Variants in NAV2 observed in about 807,000 individuals in gnomAD.
The protein encoded by NAV2 is helicase, APC down-regulated 1.
Under a neutral mutation model 223.2 loss-of-function variants are expected in NAV2, and 54 were observed. That is an observed-to-expected ratio of 0.24 (90% CI 0.19 to 0.30). The LOEUF is 0.30. Ranked by LOEUF, NAV2 falls within the 10% of genes least tolerant of loss-of-function variation. NAV2 has a pLI of 1.00. For synonymous variants in NAV2, 1,279 were observed against 1,239.3 expected (o/e 1.03, Z -0.67); for missense variants, 2,806 against 3,147.5 (o/e 0.89, Z 2.60).
intron 10 of NAV2, among the ~76,000 whole-genome samples, chr11:19,964,923 A>C (rs4757870): frequency 0.45 from 66,254 of 148,584 alleles, 16,176 homozygotes; most frequent in Non-Finnish European, 0.54. Context: ...GGGTTCAAGC[A>C]ATTCTCCTGC....
Position 20,035,965 on chromosome 11 carries a change from C to A in NAV2, c.2775C>A (p.Asp925Glu), listed in dbSNP as rs750583571. Residue 925 changes from aspartate to glutamate, a missense_variant, in exon 12 of 38, where the codon GAC (aspartate) becomes GAA (glutamate). Transcript: ENST00000349880. ...TGTGTGTTTGTCTTGGCAGCTGGGACGACAGCAGCTCCGTCAGCAGCGGCA... is the reference window on the plus strand; with the variant it reads ...TGTGTGTTTGTCTTGGCAGCTGGGAAGACAGCAGCTCCGTCAGCAGCGGCA... The part of the protein sequence containing the change: ...SLGLGDADSW[D>E]DSSSVSSGIS... 6.2e-7 allele frequency: 1 copy of A among 1,613,968 alleles called. No individual in the cohort carries two copies. The highest frequency in any genetic ancestry group is 1.3e-5 in the African/African-American group (1 of 74,926).
chr11:19,492,404 TA>T (rs1189370480), intron 1 of NAV2, among the ~76,000 whole-genome samples: 1 of 152,178 alleles, frequency 6.6e-6, no homozygotes, highest in African/African-American at 2.4e-5. Context: ...TTTACTGTGT[TA>T]AATATCAGCA....
intron 1 of NAV2, among the ~76,000 whole-genome samples, chr11:19,750,636 G>C (rs954678573): frequency 6.6e-6 from 1 of 152,202 alleles, no homozygotes; most frequent in Non-Finnish European, 1.5e-5. Context: ...GTCCCGTGTG[G>C]AAGGGGCTTT....
intron 1 of NAV2, among the ~76,000 whole-genome samples, chr11:19,391,259 C>T (rs975413050): frequency 6.6e-6 from 1 of 152,130 alleles, no homozygotes; most frequent in East Asian, 1.9e-4. Flanking sequence ...CTGGCCTGTC[C>T]CCCTGCTTCA....
intron 1 of NAV2, among the ~76,000 whole-genome samples, chr11:19,442,616 G>A (rs1420170135): frequency 6.6e-6 from 1 of 152,184 alleles, no homozygotes; most frequent in African/African-American, 2.4e-5. Flanking sequence ...CAGAGGGCAG[G>A]GCTCAGGTGG....
intron 37 of NAV2, among the ~76,000 whole-genome samples, chr11:20,116,505 G>T (rs972170587): frequency 5.3e-5 from 8 of 152,208 alleles, no homozygotes; most frequent in African/African-American, 1.9e-4. Context: ...AGTCACGGAG[G>T]TATTTTTTGC....
chr11:19,954,719 TCTC>T (rs2047686290), intron 10 of NAV2, among the ~76,000 whole-genome samples: 3 of 152,164 alleles, frequency 2.0e-5, no homozygotes. Flanking sequence ...TGTCAGGTCA[TCTC>T]CTCTCTGATT....
rs1172276633 is a variant in NAV2, at chr11:20,100,990, C to A, written c.6235C>A (p.Pro2079Thr). The A allele has an allele frequency of 1.2e-6, 2 of 1,614,002 alleles. No homozygotes were observed. Among genetic ancestry groups the A allele is most frequent in the Non-Finnish European group, 1.7e-6 (2 of 1,180,034 alleles). Residue 2079 changes from proline to threonine, a missense_variant, in exon 32 of 38, where the codon CCC (proline) becomes ACC (threonine). Around this residue, in one of 4 missense-constraint regions of NAV2, gnomAD observed 824 missense variants for 1,069.4 expected, o/e 0.77. Coordinates refer to ENST00000349880, the MANE Select transcript of NAV2 (RefSeq NM_145117.5). ...SLVFESLIPK[P>T]ILQRYVSLLI... ...GGTGTTTGAGTCCTTGATTCCCAAG[C>A]CCATCCTGCAGCGCTACGTCTCCCT... is the stretch of plus-strand genomic sequence containing the variant.
chr11:19,853,118 T>G (rs997729210), intron 3 of NAV2, among the ~76,000 whole-genome samples: 3 of 152,176 alleles, frequency 2.0e-5, no homozygotes, highest in African/African-American at 7.2e-5. Flanking sequence ...TAAAACAGAT[T>G]GCTGGACCCC....
intron 1 of NAV2, among the ~76,000 whole-genome samples, chr11:19,718,390 A>G (rs2050478651): frequency 6.6e-6 from 1 of 152,238 alleles, no homozygotes; most frequent in South Asian, 2.1e-4. Context: ...TGTTTTTAGC[A>G]GCTGGTGTTC....
rs59144762 is a variant in NAV2 at position 19,535,193 on chromosome 11, C to T, written c.75+184166C>T. On this transcript the variant is annotated intron_variant, in intron 1 of 37. Transcript: ENST00000360655. The stretch of plus-strand genomic sequence containing the variant: ...TGAGGAGATCAGGTGAGACAGGAAC[C>T]AGGGAAAACAGGAAGCTGCTGGAAT... 3.9e-3 allele frequency among the ~76,000 whole-genome samples: 593 copies of T among 152,206 alleles called. 5 individuals carry two copies. The highest frequency in any genetic ancestry group is 0.014 in the African/African-American group (572 of 41,516).
At chr11:19,452,812 T>C (rs1026837110) in intron 1 of NAV2, among the ~76,000 whole-genome samples, 22 of 152,246 alleles carry the variant, frequency 1.4e-4, no homozygotes, top group Admixed American at 1.3e-3. Flanking sequence ...TGTGTATTGC[T>C]TTTGTACGAT....
Position 19,959,888 on chromosome 11 carries a change from GTC to G in NAV2, c.2645+10810_2645+10811del, listed in dbSNP as rs200549478. ...TTCTTCCCCCCCCACCATCTGGACT[GTC>G]TGCTGTCTTGTTGGAACGGACCTCC... On this transcript the variant is annotated intron_variant, in intron 10 of 37. Transcript: ENST00000349880. Among the ~76,000 whole-genome samples the G allele has an allele frequency of 8.7e-3, 1,320 of 152,310 alleles. 14 individuals are homozygous for G. The highest frequency in any genetic ancestry group is 0.012 in the Non-Finnish European group (847 of 68,032).
chr11:19,709,338 C>G (rs541675818), upstream of NAV2, among the ~76,000 whole-genome samples: 10 of 151,836 alleles, frequency 6.6e-5, no homozygotes, highest in South Asian at 6.3e-4. Flanking sequence ...GTCAGGAGGT[C>G]GAGACCATCC....
At position 20,063,149 on chromosome 11, in the gene NAV2, T is replaced by C. The variant is rs184841933; in HGVS notation, c.4884+790T>C. On this transcript the variant is annotated intron_variant, in intron 20 of 37. Coordinates refer to ENST00000349880, the MANE Select transcript of NAV2 (RefSeq NM_145117.5). The stretch of plus-strand genomic sequence containing the variant: ...TTTTTATTCCTAGTGCCTAGAACAG[T>C]ACCTAGCACGTAGTAGGTATTTTTT... Among the ~76,000 whole-genome samples the C allele has an allele frequency of 1.1e-4, 16 of 152,338 alleles. No individual in the cohort carries two copies. In the South Asian group the frequency reaches 2.7e-3, roughly 26 times the overall value.
chr11:19,997,784 G>A (rs1299363164), intron 11 of NAV2, among the ~76,000 whole-genome samples: 6 of 152,088 alleles, frequency 3.9e-5, no homozygotes, highest in African/African-American at 7.2e-5. Context: ...TTGACTAGTC[G>A]GTAGATCCAG....
intron 6 of NAV2, among the ~76,000 whole-genome samples, chr11:19,907,524 T>TGGG (rs375268258): frequency 0.61 from 92,795 of 151,342 alleles, 28,869 homozygotes; most frequent in Non-Finnish European, 0.68. Flanking sequence ...CTGCCACTCA[T>TGGG]AGGGGGAGGG....
intron 1 of NAV2, chr11:19,384,868 C>T (rs1179663976): frequency 6.6e-6 from 1 of 152,152 alleles, no homozygotes; most frequent in Non-Finnish European, 1.5e-5. Flanking sequence ...AGTTTGTCTC[C>T]AACTTGTAAA....
chr11:19,643,813 C>A (rs544139406), intron 1 of NAV2, among the ~76,000 whole-genome samples: 19 of 152,316 alleles, frequency 1.2e-4, no homozygotes, highest in Admixed American at 1.2e-3. Context: ...TCTCCACATC[C>A]TCTCCAGCAC....
Sources: allele counts gnomAD v4.1 joint callset (sites outside exome capture counted in the v4.1 genomes callset), GRCh38; gene constraint gnomAD v4.1.1; regional missense constraint gnomAD v4.1.1; transcripts MANE v1.5; gene names NCBI Gene and HGNC (gene_info 2026-07-23, HGNC 2026-07-21).